Variants in USP36 observed in about 807,000 individuals in gnomAD.
The protein encoded by USP36 is ubiquitin carboxyl-terminal hydrolase 36.
Under a neutral mutation model 111.5 loss-of-function variants are expected in USP36, and 59 were observed. The observed-to-expected ratio is 0.53, with a 90% CI of 0.43 to 0.66. The LOEUF (loss-of-function observed/expected upper bound fraction) is 0.66, where lower values mean the gene tolerates loss of function less well. USP36 is among the 30% of genes least tolerant of loss of function. USP36 has a pLI of 0.00. For missense variants in USP36, 1,488 were observed against 1,468.0 expected, an observed-to-expected ratio of 1.01 and a Z score of -0.22; for synonymous variants, 628 against 581.0, an observed-to-expected ratio of 1.08 and a Z score of -1.16.
At chr17:78,828,422 T>C (rs1365205972) in intron 5 of USP36, among the ~76,000 whole-genome samples, 1 of 152,128 alleles carries the variant, frequency 6.6e-6, no homozygotes, top group Non-Finnish European at 1.5e-5. Context: ...ACATTCCTCA[T>C]CCATCCCTCC....
chr17:78,812,641 G>GATT (rs376647129), intron 13 of USP36, among the ~76,000 whole-genome samples: 76 of 138,904 alleles, frequency 5.5e-4, no homozygotes, highest in African/African-American at 1.9e-3. Flanking sequence ...AGTGAGCCGA[G>GATT]ATTGGAGATC....
intron 13 of USP36, among the ~76,000 whole-genome samples, chr17:78,812,490 G>C (rs1350572096): frequency 1.3e-5 from 2 of 151,820 alleles, no homozygotes; most frequent in African/African-American, 2.4e-5. Flanking sequence ...GAGATCGAAA[G>C]CATCCTGGCT....
rs983446902 is a variant in USP36 at position 78,819,805 on chromosome 17, G to C, written c.911+125C>G. The C allele has an allele frequency of 3.3e-6, 3 of 919,410 alleles. No individual in the cohort carries two copies. The African/African-American group carries it at 5.0e-5, about 15-fold the overall frequency. 57.0% of individuals were successfully genotyped at this position (919,410 alleles called of 1,614,324 possible). On this transcript the variant is annotated intron_variant, in intron 9 of 20. Transcript: ENST00000449938. ...AGTTTGAGTTTTTAGGACACACATA[G>C]GTTCCTCAAGAAATGCGAGCAGCGG...
At chr17:78,834,997 G>GTGTATATATATATATATATATA (rs968867639) in intron 4 of USP36, among the ~76,000 whole-genome samples, 18 of 141,430 alleles carry the variant, frequency 1.3e-4, no homozygotes, top group African/African-American at 5.0e-4. Context: ...AATAATATTT[G>GTGTATATATATATATATATATA]TATATATATA....
intron 3 of USP36, among the ~76,000 whole-genome samples, chr17:78,788,518 G>C (rs1213486054): frequency 1.3e-5 from 2 of 152,110 alleles, no homozygotes; most frequent in Non-Finnish European, 2.9e-5. Context: ...TGTTCTCCCA[G>C]CTGGTTGGTG....
rs548900741 is a variant in USP36 at position 78,838,595 on chromosome 17, T to A, written c.-18A>T. On this transcript the variant is annotated 5_prime_UTR_variant, in exon 2 of 21. Transcript: ENST00000449938. ...AAGCCTCGCAGACTCACCTGGGATG[T>A]GCAGACTTGGGCCTGCTGTCCTACT... The A allele has an allele frequency of 1.2e-3, 177 of 152,316 alleles. 1 individual carries two copies. Among genetic ancestry groups the A allele is most frequent in the African/African-American group, 4.1e-3 (172 of 41,560 alleles). 9.4% of individuals were successfully genotyped at this position (152,316 alleles called of 1,614,324 possible). A position where few individuals can be genotyped will look rare whatever the true frequency, so the allele number is the denominator to read the frequency against.
At chr17:78,815,831 A>G (rs542573790) in intron 10 of USP36, among the ~76,000 whole-genome samples, 7 of 147,076 alleles carry the variant, frequency 4.8e-5, no homozygotes, top group Non-Finnish European at 7.4e-5. Flanking sequence ...ATGCACACAT[A>G]TATACATACA....
At chr17:78,805,803 G>A (rs1010776246) in intron 15 of USP36, among the ~76,000 whole-genome samples, 3 of 152,174 alleles carry the variant, frequency 2.0e-5, no homozygotes, top group African/African-American at 4.8e-5. Flanking sequence ...GCCTCACTTC[G>A]CCTTTCTCTT....
intron 6 of USP36, among the ~76,000 whole-genome samples, chr17:78,823,575 C>T (rs761253773): frequency 2.0e-5 from 3 of 152,074 alleles, no homozygotes; most frequent in Non-Finnish European, 1.5e-5. Flanking sequence ...GGAGGTGGCC[C>T]GAGAGCCACC....
intron 2 of USP36, 103 bp downstream of exon 2, chr17:78,838,484 A>G (rs889596824): frequency 6.6e-6 from 1 of 150,612 alleles, no homozygotes. Flanking sequence ...GCCTTTTCTC[A>G]TGAGAATTAT....
At chr17:78,828,173 C>T (rs2067748530) in intron 5 of USP36, among the ~76,000 whole-genome samples, 1 of 152,144 alleles carries the variant, frequency 6.6e-6, no homozygotes, top group Non-Finnish European at 1.5e-5. Context: ...GTGATTGCAC[C>T]ACTGTCCTCC....
downstream of USP36, among the ~76,000 whole-genome samples, chr17:78,794,714 G>A (rs1001726917): frequency 7.9e-5 from 12 of 152,086 alleles, no homozygotes; most frequent in Non-Finnish European, 1.5e-4. Flanking sequence ...ACGAGGTCAA[G>A]AGATGGAGAT....
At chr17:78,832,225 A>C (rs892103611) in intron 4 of USP36, among the ~76,000 whole-genome samples, 4 of 152,222 alleles carry the variant, frequency 2.6e-5, no homozygotes, top group Non-Finnish European at 5.9e-5. Context: ...CGCCAGAGAC[A>C]GTCCAGCCTA....
chr17:78,832,270 T>C (rs1333899920), intron 4 of USP36, among the ~76,000 whole-genome samples: 2 of 152,210 alleles, frequency 1.3e-5, no homozygotes, highest in Non-Finnish European at 2.9e-5. Context: ...ACGTGCACAG[T>C]GGACCCTCGT....
At chr17:78,804,449 G>C (rs1231922256) in intron 15 of USP36, among the ~76,000 whole-genome samples, 7 of 130,338 alleles carry the variant, frequency 5.4e-5, no homozygotes, top group Non-Finnish European at 9.5e-5. Flanking sequence ...GACAAAGCAA[G>C]ACTCCGTCTC....
chr17:78,827,546 A>G (rs537237324), intron 5 of USP36, among the ~76,000 whole-genome samples, 199 bp from the exon 6 acceptor site: 1 of 152,292 alleles, frequency 6.6e-6, no homozygotes, highest in South Asian at 2.1e-4. Flanking sequence ...CACTTTCTCA[A>G]TAAGATTGCA....
chr17:78,826,974 G>C, intron 6 of USP36: 2 of 635,396 alleles, frequency 3.1e-6, no homozygotes, highest in Non-Finnish European at 5.7e-6. Flanking sequence ...GAGCTGCTCA[G>C]ACACAGCTGC....
chr17:78,807,760 ATTAT>A, intron 13 of USP36, 124 bp from the exon 14 acceptor site: 3 of 976,964 alleles, frequency 3.1e-6, no homozygotes, highest in Non-Finnish European at 4.3e-6. Flanking sequence ...CTCAAGATAA[ATTAT>A]TTATCTGGAC....
At chr17:78,799,138 T>G in intron 18 of USP36, 115 bp from the exon 19 acceptor site, 1 of 1,021,484 alleles carries the variant, frequency 9.8e-7, no homozygotes, top group Admixed American at 1.9e-5. Context: ...CAATTTTGAG[T>G]GCCACCTTGT....
Sources: allele counts gnomAD v4.1 joint callset (sites outside exome capture counted in the v4.1 genomes callset), GRCh38; gene constraint gnomAD v4.1.1; transcripts MANE v1.5; gene names NCBI Gene and HGNC (gene_info 2026-07-23, HGNC 2026-07-21).